The following MDGA2 variants were observed in gnomAD, a reference collection of about 807,000 sequenced individuals.
MDGA2 encodes the protein MAM domain containing glycosylphosphatidylinositol anchor 2.
In MDGA2, 40 loss-of-function variants were observed where a neutral mutation model predicts 117.8. The ratio of observed to expected loss-of-function variants is 0.34; its 90% CI spans 0.26 to 0.44. The LOEUF is 0.44. Among genes scored for constraint, MDGA2 ranks in the 20% least tolerant of loss-of-function variants. The probability of loss-of-function intolerance (pLI) is 1.00; values close to 1 mark genes in which losing one functional copy is unlikely to be tolerated. For missense variants in MDGA2, 1,123 were observed against 1,250.6 expected (o/e 0.90, Z 1.54); for synonymous variants, 452 against 439.0 (o/e 1.03, Z -0.37).
At position 47,609,465 on chromosome 14, in the gene MDGA2, A is replaced by ATATATATATATATATATATAT. The variant is rs1555336021; in HGVS notation, c.280+65051_280+65052insATATATATATATATATATATA. 1.1e-3 allele frequency among the ~76,000 whole-genome samples: 115 copies of ATATATATATATATATATATAT among 107,360 alleles called. 1 individual carries two copies. The highest frequency in any genetic ancestry group is 1.5e-3 in the Non-Finnish European group (79 of 51,436). The allele number at this position is 107,360 out of a possible 152,430, so 70.4% of individuals were successfully genotyped here. A position where few individuals can be genotyped will look rare whatever the true frequency, so the allele number is the denominator to read the frequency against. On this transcript the variant is annotated intron_variant, in intron 1 of 16. Transcript: ENST00000399232. ...TATATATATATATATATATATATATAAGTTTCTTTATCTACTTGTTGATTG... is the reference window on the plus strand; with the variant it reads ...TATATATATATATATATATATATATATATATATATATATATATATATAGTTTCTTTATCTACTTGTTGATTG...
intron 1 of MDGA2, among the ~76,000 whole-genome samples, chr14:47,638,724 T>G (rs1415194844): frequency 6.6e-6 from 1 of 152,204 alleles, no homozygotes; most frequent in African/African-American, 2.4e-5. Flanking sequence ...GGCAAGTGCC[T>G]TCTAACAGGC....
rs114033906 is a variant in MDGA2, at chr14:47,503,018, T to C, written c.280+171499A>G. ...AATATATATTATGTTATTAAAATCA[T>C]CCTGCTTCAGAAAAAGTTTAAACAC... is the stretch of plus-strand genomic sequence containing the variant. On this transcript the variant is annotated intron_variant, in intron 1 of 16. Transcript: ENST00000399232. Among the ~76,000 whole-genome samples the C allele has an allele frequency of 4.0e-3, 608 of 152,268 alleles. 5 individuals are homozygous for C. The highest frequency in any genetic ancestry group is 0.014 in the African/African-American group (585 of 41,540).
intron 8 of MDGA2, among the ~76,000 whole-genome samples, chr14:47,003,466 C>T (rs564214986): frequency 3.9e-5 from 6 of 152,066 alleles, no homozygotes; most frequent in Non-Finnish European, 8.8e-5. Context: ...TTCATACCCT[C>T]CAGGACTTAG....
chr14:47,202,306 A>G (rs1885536277), intron 3 of MDGA2, among the ~76,000 whole-genome samples: 1 of 152,228 alleles, frequency 6.6e-6, no homozygotes, highest in South Asian at 2.1e-4. Context: ...GAGCCAGGGA[A>G]ATTGTCCAAG....
chr14:47,547,473 G>A (rs954752549), intron 1 of MDGA2, among the ~76,000 whole-genome samples: 2 of 152,152 alleles, frequency 1.3e-5, no homozygotes, highest in Non-Finnish European at 2.9e-5. Context: ...TAGGTTTTAT[G>A]TGTTTCCATC....
chr14:47,256,316 A>G (rs780288612), intron 2 of MDGA2, among the ~76,000 whole-genome samples: 1 of 152,100 alleles, frequency 6.6e-6, no homozygotes, highest in Non-Finnish European at 1.5e-5. Flanking sequence ...AAAAAATAAA[A>G]TATTCAATAT....
chr14:47,665,347 T>C (rs1157255617), intron 1 of MDGA2, among the ~76,000 whole-genome samples: 3 of 152,214 alleles, frequency 2.0e-5, no homozygotes, highest in African/African-American at 7.2e-5. Flanking sequence ...CATAACCTCT[T>C]TGATTTTACA....
chr14:47,213,070 T>C (rs758320691), intron 3 of MDGA2, among the ~76,000 whole-genome samples: 33 of 152,246 alleles, frequency 2.2e-4, no homozygotes, highest in South Asian at 4.1e-4. Flanking sequence ...TCCTTTTTTG[T>C]TTACTTCTTA....
chr14:47,344,740 A>T (rs1017862997), intron 1 of MDGA2, among the ~76,000 whole-genome samples: 1 of 126,242 alleles, frequency 7.9e-6, no homozygotes, highest in African/African-American at 3.0e-5. Flanking sequence ...CATGTAAATG[A>T]TGATGAGTTA....
At chr14:47,243,296 A>G (rs1887126304) in intron 2 of MDGA2, among the ~76,000 whole-genome samples, 2 of 151,682 alleles carry the variant, frequency 1.3e-5, no homozygotes, top group South Asian at 4.2e-4. Context: ...CACACCAATC[A>G]GCACCCTGAC....
chr14:47,541,095 C>T (rs557329742), intron 1 of MDGA2, among the ~76,000 whole-genome samples: 11 of 152,072 alleles, frequency 7.2e-5, no homozygotes, highest in Non-Finnish European at 1.3e-4. Flanking sequence ...CCAAGGCAGA[C>T]AAATGACTGA....
chr14:47,596,274 A>G lies in MDGA2; in HGVS notation c.280+78243T>C, dbSNP rs1390781144. ...TACAGTTTTGTTCTAGTAATTCTAG[A>G]GTCAAGAAGTAGGACTTTCATGAGA... On this transcript the variant is annotated intron_variant, in intron 1 of 16. Transcript: ENST00000399232. 2.0e-5 allele frequency among the ~76,000 whole-genome samples: 3 copies of G among 152,200 alleles called. No individual in the cohort carries two copies. In the East Asian group the frequency reaches 5.8e-4, roughly 29 times the overall value.
chr14:47,376,860 AG>A (rs929140950), intron 1 of MDGA2, among the ~76,000 whole-genome samples: 2 of 152,146 alleles, frequency 1.3e-5, no homozygotes, highest in African/African-American at 4.8e-5. Context: ...GAGGTAGGAA[AG>A]GGGGGGCACA....
At chr14:47,138,345 T>C (rs1039376208) in intron 4 of MDGA2, among the ~76,000 whole-genome samples, 1 of 152,116 alleles carries the variant, frequency 6.6e-6, no homozygotes, top group Non-Finnish European at 1.5e-5. Context: ...TTAGACTAAT[T>C]ATAACTAATT....
intron 2 of MDGA2, among the ~76,000 whole-genome samples, chr14:47,240,310 C>T (rs1376574757): frequency 6.6e-6 from 1 of 151,812 alleles, no homozygotes; most frequent in Non-Finnish European, 1.5e-5. Flanking sequence ...TCCCAAAGTG[C>T]TGGGATCACA....
At chr14:47,513,939 A>G (rs1894696888) in intron 1 of MDGA2, among the ~76,000 whole-genome samples, 1 of 152,144 alleles carries the variant, frequency 6.6e-6, no homozygotes, top group Admixed American at 6.6e-5. Flanking sequence ...AACATCTGAA[A>G]TAATGCAAAA....
intron 2 of MDGA2, among the ~76,000 whole-genome samples, chr14:47,260,961 G>C (rs1295102780): frequency 2.6e-5 from 4 of 151,946 alleles, no homozygotes; most frequent in African/African-American, 7.3e-5. Context: ...ACAACAAATG[G>C]GTTATTTAAA....
intron 11 of MDGA2, among the ~76,000 whole-genome samples, chr14:46,880,328 A>AAT (rs887883895): frequency 2.6e-5 from 4 of 151,950 alleles, no homozygotes; most frequent in Admixed American, 2.0e-4. Flanking sequence ...CCATCTCAAA[A>AAT]ATATATATAT....
rs746778179 is a variant in MDGA2, at chr14:46,964,919, CTTTTTT to C, written c.1820-7282_1820-7277del. ...GAAAATATCCCCAAATATATATTTA[CTTTTTT>C]TTTTTTTTTTTTTTTTGAGACAGAG... On this transcript the variant is annotated intron_variant, in intron 8 of 16. Transcript: ENST00000399232. Among the ~76,000 whole-genome samples the C allele has an allele frequency of 1.1e-4, 10 of 89,790 alleles. 1 individual carries two copies. The highest frequency in any genetic ancestry group is 4.3e-4 in the African/African-American group (7 of 16,308). 58.9% of individuals were successfully genotyped at this position (89,790 alleles called of 152,430 possible). A position where few individuals can be genotyped will look rare whatever the true frequency, so the allele number is the denominator to read the frequency against.
Sources: gnomAD v4.1 joint callset for allele counts (sites outside exome capture counted in the v4.1 genomes callset) on GRCh38, gnomAD v4.1.1 for gene constraint, MANE v1.5 for transcripts, NCBI Gene and HGNC (gene_info 2026-07-23, HGNC 2026-07-21) for gene names.